SLC35A1: variants seen among roughly 807,000 people sequenced by gnomAD.
SLC35A1 encodes the protein solute carrier family 35 member A1.
A neutral mutation model predicts 40.3 loss-of-function variants in SLC35A1; 21 were observed. That is an observed-to-expected ratio of 0.52 (90% confidence interval 0.37 to 0.75). The LOEUF (loss-of-function observed/expected upper bound fraction) is 0.75. Among genes scored for constraint, SLC35A1 ranks in the 30% least tolerant of loss-of-function variants. The pLI is 0.00. For missense variants in SLC35A1, 297 were observed against 382.1 expected (o/e 0.78, Z 1.86); for synonymous variants, 146 against 147.3 (o/e 0.99, Z 0.06).
At chr6:87,483,703 G>C (rs1272014724) in intron 2 of SLC35A1, among the ~76,000 whole-genome samples, 1 of 152,096 alleles carries the variant, frequency 6.6e-6, no homozygotes, top group Admixed American at 6.6e-5. Flanking sequence ...GCCTGCTCCG[G>C]AAGCCTCAAC....
At chr6:87,493,468 G>A (rs1329527221) in intron 2 of SLC35A1, among the ~76,000 whole-genome samples, 1 of 128,840 alleles carries the variant, frequency 7.8e-6, no homozygotes, top group African/African-American at 2.9e-5. Context: ...CTAGTTGTGT[G>A]TGTGTGTGTG....
rs550845440 is a variant in SLC35A1, at chr6:87,482,847, C to G, written c.194+5308C>G. Among the ~76,000 whole-genome samples, 3 of 95,242 alleles carry G rather than the reference C, an allele frequency of 3.1e-5. No individual in the cohort carries two copies. In the South Asian group the frequency reaches 9.5e-4, roughly 30 times the overall value. 62.5% of individuals were successfully genotyped at this position (95,242 alleles called of 152,430 possible). A position where few individuals can be genotyped will look rare whatever the true frequency, so the allele number is the denominator to read the frequency against. On this transcript the variant is annotated intron_variant, in intron 2 of 7. Coordinates refer to ENST00000369552, the MANE Select transcript of SLC35A1 (RefSeq NM_006416.5). Reference sequence around the variant, plus strand: ...CTTTTTGTCTTAGGATACTTCTGAACTGGGTGAGGTGTGCTCACAATGAGG... The same window carrying G: ...CTTTTTGTCTTAGGATACTTCTGAAGTGGGTGAGGTGTGCTCACAATGAGG...
At chr6:87,501,446 C>CT in intron 4 of SLC35A1, 136 bp downstream of exon 4, 1 of 848,290 alleles carries the variant, frequency 1.2e-6, no homozygotes, top group Non-Finnish European at 1.9e-6. Context: ...ATAGATAGGC[C>CT]TTTTTTCTTT....
At chr6:87,489,200 C>T (rs1562020858) in intron 2 of SLC35A1, among the ~76,000 whole-genome samples, 1 of 152,156 alleles carries the variant, frequency 6.6e-6, no homozygotes, top group East Asian at 1.9e-4. Flanking sequence ...TGATTTGTCT[C>T]CACCAAAACT....
At chr6:87,473,113 C>T (rs934371288) in intron 1 of SLC35A1, 94 bp downstream of exon 1, 2 of 414,274 alleles carry the variant, frequency 4.8e-6, no homozygotes, top group Non-Finnish European at 8.6e-6. Context: ...AGCGGAGCAC[C>T]CTGGTTGCCC....
intron 2 of SLC35A1, among the ~76,000 whole-genome samples, chr6:87,490,859 C>G (rs918857490): frequency 6.6e-6 from 1 of 152,230 alleles, no homozygotes; most frequent in Admixed American, 6.5e-5. Flanking sequence ...TAGCTATACT[C>G]TGTAGAATAC....
Position 87,477,228 on chromosome 6 carries a change from A to G in SLC35A1, c.17-134A>G, listed in dbSNP as rs150370832. 6 of 810,270 alleles carry G rather than the reference A, an allele frequency of 7.4e-6. No individual in the cohort carries two copies. The African/African-American group carries it at 1.0e-4, about 14-fold the overall frequency. The allele number at this position is 810,270 out of a possible 1,614,324, so 50.2% of individuals were successfully genotyped here. A position where few individuals can be genotyped will look rare whatever the true frequency, so the allele number is the denominator to read the frequency against. On this transcript the variant is annotated intron_variant, in intron 1 of 7. Transcript: ENST00000369552. The stretch of plus-strand genomic sequence containing the variant: ...AATTGGCAAACATTGTTTTGAAAAA[A>G]ATTTTTAAGCATGAGTTTTAGAAAA...
intron 1 of SLC35A1, among the ~76,000 whole-genome samples, chr6:87,473,558 A>G (rs1768982675): frequency 6.6e-6 from 1 of 152,246 alleles, no homozygotes; most frequent in South Asian, 2.1e-4. Context: ...CGAAAGGAAG[A>G]TAACAGTCGT....
At chr6:87,499,513 T>C (rs533831359) in intron 2 of SLC35A1, among the ~76,000 whole-genome samples, 2 of 152,204 alleles carry the variant, frequency 1.3e-5, no homozygotes, top group Non-Finnish European at 2.9e-5. Flanking sequence ...ATTAGCCACG[T>C]CCTTCTGAAA....
intron 2 of SLC35A1, among the ~76,000 whole-genome samples, chr6:87,499,863 C>G (rs1769864473): frequency 6.6e-6 from 1 of 152,110 alleles, no homozygotes; most frequent in South Asian, 2.1e-4. Context: ...CGCCTGTAAT[C>G]CCAGTACTTT....
At chr6:87,510,414 C>G (rs566172228) in intron 7 of SLC35A1, among the ~76,000 whole-genome samples, 1 of 152,282 alleles carries the variant, frequency 6.6e-6, no homozygotes, top group Admixed American at 6.5e-5. Flanking sequence ...AGCAATCTTT[C>G]AGTTAACTGT....
chr6:87,511,590 CA>C lies in SLC35A1; in HGVS notation c.*66del. ...TTTGCATTAAACTAGAGCCTTAAGT[CA>C]ATCTCAGAAGGTAGCATAAACAAAT... On this transcript the variant is annotated 3_prime_UTR_variant, in exon 8 of 8. Transcript: ENST00000369552. The C allele has an allele frequency of 6.5e-7, 1 of 1,543,258 alleles. No homozygotes were observed. Among genetic ancestry groups the C allele is most frequent in the Admixed American group, 1.7e-5 (1 of 59,890 alleles).
chr6:87,493,062 A>C (rs2127970237), intron 2 of SLC35A1, among the ~76,000 whole-genome samples: 1 of 152,224 alleles, frequency 6.6e-6, no homozygotes, highest in East Asian at 1.9e-4. Context: ...CTATACATTT[A>C]TTGGCATTCT....
intron 2 of SLC35A1, among the ~76,000 whole-genome samples, chr6:87,493,500 C>T (rs912992328): frequency 6.6e-6 from 1 of 151,772 alleles, no homozygotes; most frequent in Non-Finnish European, 1.5e-5. Context: ...AAGAGTTCTA[C>T]ATTGATTGAT....
Position 87,511,485 on chromosome 6 carries a change from CAAG to C in SLC35A1, c.974_976del (p.Gln325_Gly326delinsArg). On this transcript the variant is annotated inframe_deletion, in exon 8 of 8. Coordinates refer to ENST00000369552, the MANE Select transcript of SLC35A1 (RefSeq NM_006416.5). The stretch of plus-strand genomic sequence containing the variant: ...CAGACAAGACACTACATCCATCCAA[CAAG>C]GAGAAACAGCTTCAAAGGAGAGAGT... The C allele has an allele frequency of 1.2e-6, 2 of 1,613,848 alleles. No homozygotes were observed. Among genetic ancestry groups the C allele is most frequent in the Non-Finnish European group, 1.7e-6 (2 of 1,179,938 alleles).
chr6:87,511,809 T>C lies in SLC35A1; in HGVS notation c.*283T>C, dbSNP rs1263937943. The C allele has an allele frequency of 2.5e-6, 1 of 402,642 alleles. No individual in the cohort carries two copies. Among genetic ancestry groups the C allele is most frequent in the East Asian group, 5.5e-5 (1 of 18,048 alleles). 24.9% of individuals were successfully genotyped at this position (402,642 alleles called of 1,614,324 possible). Reference sequence around the variant, plus strand: ...AATAAAAAGTATGGAGATGATACGGTGTTAAAAAAAATCATGGTAAGGCTA... The same window carrying C: ...AATAAAAAGTATGGAGATGATACGGCGTTAAAAAAAATCATGGTAAGGCTA... On this transcript the variant is annotated 3_prime_UTR_variant, in exon 8 of 8. Transcript: ENST00000369552.
chr6:87,484,029 C>A (rs551343241), intron 2 of SLC35A1, among the ~76,000 whole-genome samples: 82 of 152,304 alleles, frequency 5.4e-4, no homozygotes, highest in African/African-American at 1.8e-3. Context: ...ACACATTCAG[C>A]CCTCCAGACT....
At position 87,477,625 on chromosome 6, in the gene SLC35A1, G is replaced by A. The variant is rs569973305; in HGVS notation, c.194+86G>A. The A allele has an allele frequency of 7.9e-4, 900 of 1,144,206 alleles. 2 individuals carry two copies. The highest frequency in any genetic ancestry group is 1.0e-3 in the Non-Finnish European group (777 of 763,442). The allele number at this position is 1,144,206 out of a possible 1,614,324, so 70.9% of individuals were successfully genotyped here. On this transcript the variant is annotated intron_variant, in intron 2 of 7. Coordinates refer to ENST00000369552, the MANE Select transcript of SLC35A1 (RefSeq NM_006416.5). Reference sequence around the variant, plus strand: ...GAAAATTCAAGCTACATCTTTATATGTTTAATTGCTCTGGGTCAGTGTTTC... The same window carrying A: ...GAAAATTCAAGCTACATCTTTATATATTTAATTGCTCTGGGTCAGTGTTTC...
chr6:87,484,710 G>C lies in SLC35A1; in HGVS notation c.194+7171G>C, dbSNP rs145005618. Among the ~76,000 whole-genome samples, 16 of 151,268 alleles carry C rather than the reference G, an allele frequency of 1.1e-4. No homozygotes were observed. The East Asian group carries it at 2.7e-3, about 26-fold the overall frequency. On this transcript the variant is annotated intron_variant, in intron 2 of 7. Coordinates refer to ENST00000369552, the MANE Select transcript of SLC35A1 (RefSeq NM_006416.5). Reference sequence around the variant, plus strand: ...TGGAATTAGGGTGGAGCAGGTAATCGGAATGAGTCAGGGTGGAGTAGGTAA... The same window carrying C: ...TGGAATTAGGGTGGAGCAGGTAATCCGAATGAGTCAGGGTGGAGTAGGTAA...
Sources: allele counts gnomAD v4.1 joint callset (sites outside exome capture counted in the v4.1 genomes callset), GRCh38; gene constraint gnomAD v4.1.1; transcripts MANE v1.5; gene names NCBI Gene and HGNC (gene_info 2026-07-23, HGNC 2026-07-21).